TFDP2: variants seen among roughly 807,000 people sequenced by gnomAD.
The protein encoded by TFDP2 is transcription factor Dp-2 (E2F dimerization partner 2).
TFDP2 carries 17 observed loss-of-function variants against 59.3 expected under a neutral mutation model. The observed-to-expected ratio is 0.29, with a 90% CI of 0.20 to 0.43. The LOEUF is 0.43. Among genes scored for constraint, TFDP2 ranks in the 20% least tolerant of loss-of-function variants. The pLI is 1.00. For synonymous variants in TFDP2, 180 were observed against 194.7 expected, an observed-to-expected ratio of 0.92 and a Z score of 0.63; for missense variants, 391 against 528.8, an observed-to-expected ratio of 0.74 and a Z score of 2.56.
chr3:141,993,821 C>A (rs916758394), intron 5 of TFDP2, among the ~76,000 whole-genome samples: 4 of 152,210 alleles, frequency 2.6e-5, no homozygotes, highest in African/African-American at 4.8e-5. Flanking sequence ...GAGGAAAACA[C>A]TGCAGACTTG....
chr3:142,116,582 C>T (rs1037178244), intron 1 of TFDP2, among the ~76,000 whole-genome samples: 3 of 152,186 alleles, frequency 2.0e-5, no homozygotes, highest in African/African-American at 7.2e-5. Context: ...GCATACAGAA[C>T]TGTAGGAAAT....
chr3:142,089,781 A>G (rs1378335291), intron 3 of TFDP2, among the ~76,000 whole-genome samples: 1 of 152,116 alleles, frequency 6.6e-6, no homozygotes, highest in East Asian at 1.9e-4. Context: ...AAATGTGAAA[A>G]CATGCAAAGT....
intron 2 of TFDP2, among the ~76,000 whole-genome samples, chr3:142,101,212 A>G (rs1267971310): frequency 6.6e-6 from 1 of 152,234 alleles, no homozygotes; most frequent in Non-Finnish European, 1.5e-5. Context: ...AGGTATATTC[A>G]GAAATGATCA....
intron 3 of TFDP2, among the ~76,000 whole-genome samples, chr3:142,048,881 G>A (rs1004756126): frequency 6.6e-6 from 1 of 152,126 alleles, no homozygotes; most frequent in African/African-American, 2.4e-5. Context: ...GACGTAATTT[G>A]AACTGCCTCT....
At chr3:142,107,837 A>G (rs2061525816) in intron 1 of TFDP2, among the ~76,000 whole-genome samples, 1 of 152,148 alleles carries the variant, frequency 6.6e-6, no homozygotes, top group Non-Finnish European at 1.5e-5. Context: ...TATAATAAAT[A>G]TATTCTCAAG....
intron 1 of TFDP2, among the ~76,000 whole-genome samples, chr3:142,137,692 C>T (rs1029358083): frequency 6.6e-6 from 1 of 152,132 alleles, no homozygotes; most frequent in Non-Finnish European, 1.5e-5. Flanking sequence ...TATTGATTTG[C>T]ATATGTTGAA....
chr3:141,964,273 G>T (rs1937620555), intron 9 of TFDP2, among the ~76,000 whole-genome samples: 2 of 152,044 alleles, frequency 1.3e-5, no homozygotes, highest in Non-Finnish European at 2.9e-5. Flanking sequence ...TGACAGTTTG[G>T]GGTCAAATAT....
At chr3:141,992,673 A>C (rs1056432919) in intron 6 of TFDP2, among the ~76,000 whole-genome samples, 1 of 152,212 alleles carries the variant, frequency 6.6e-6, no homozygotes, top group Non-Finnish European at 1.5e-5. Flanking sequence ...ATTAGCACCA[A>C]GAAGCAAACA....
At position 142,091,407 on chromosome 3, in the gene TFDP2, A is replaced by T. The variant is rs534348910; in HGVS notation, c.82+1654T>A. 2.1e-4 allele frequency among the ~76,000 whole-genome samples: 32 copies of T among 152,156 alleles called. No individual in the cohort carries two copies. The South Asian group carries it at 6.4e-3, about 31-fold the overall frequency. On this transcript the variant is annotated intron_variant, in intron 3 of 12. Transcript: ENST00000489671. ...CCGTGGAAACCCTGTCTCTACCAAA[A>T]ATACAAAAAGTAGCCAGGCATTGTG...
chr3:142,030,494 C>G (rs1012254294), intron 3 of TFDP2, among the ~76,000 whole-genome samples: 3 of 152,154 alleles, frequency 2.0e-5, no homozygotes, highest in African/African-American at 7.2e-5. Flanking sequence ...CATTTACATT[C>G]CCACATTTGG....
At chr3:142,135,234 T>C (rs1291717862) in intron 1 of TFDP2, among the ~76,000 whole-genome samples, 2 of 152,074 alleles carry the variant, frequency 1.3e-5, no homozygotes, top group African/African-American at 2.4e-5. Flanking sequence ...GCCTCACAAG[T>C]AGCTGGGACT....
intron 7 of TFDP2, among the ~76,000 whole-genome samples, chr3:141,977,371 A>T (rs911862125): frequency 6.6e-6 from 1 of 150,508 alleles, no homozygotes; most frequent in African/African-American, 2.4e-5. Flanking sequence ...AAGGAGTTCA[A>T]AATCAGCCTG....
At chr3:141,987,370 C>A (rs756737643) in intron 6 of TFDP2, among the ~76,000 whole-genome samples, 1 of 150,528 alleles carries the variant, frequency 6.6e-6, no homozygotes, top group Non-Finnish European at 1.5e-5. Flanking sequence ...GCAGCCTCTG[C>A]CTCCAGGTTC....
At chr3:142,135,804 T>C (rs1388019354) in intron 1 of TFDP2, among the ~76,000 whole-genome samples, 1 of 152,128 alleles carries the variant, frequency 6.6e-6, no homozygotes, top group African/African-American at 2.4e-5. Context: ...CAGTCTATCA[T>C]TGATGGACAT....
chr3:142,143,530 A>G (rs112227125), intron 1 of TFDP2, among the ~76,000 whole-genome samples: 1 of 152,392 alleles, frequency 6.6e-6, no homozygotes, highest in African/African-American at 2.4e-5. Flanking sequence ...ACCAGAATAT[A>G]TAAAGAGCTC....
chr3:142,022,956 G>A (rs547698125), intron 3 of TFDP2, among the ~76,000 whole-genome samples: 1 of 151,016 alleles, frequency 6.6e-6, no homozygotes, highest in Non-Finnish European at 1.5e-5. Context: ...CCCATCTCTA[G>A]TAAAAATACA....
chr3:141,997,507 G>A (rs2108214279), intron 4 of TFDP2, among the ~76,000 whole-genome samples: 1 of 151,964 alleles, frequency 6.6e-6, no homozygotes, highest in South Asian at 2.1e-4. Flanking sequence ...TTTCTATATG[G>A]TATTAGCAGC....
intron 3 of TFDP2, among the ~76,000 whole-genome samples, chr3:142,047,563 T>C (rs1245008370): frequency 3.9e-5 from 6 of 152,088 alleles, no homozygotes; most frequent in African/African-American, 1.4e-4. Flanking sequence ...TCAGGGAAAC[T>C]TGAATCTATG....
rs1279213341 is a variant in TFDP2 at position 141,959,834 on chromosome 3, C to T, written c.891G>A (p.Glu297=). The change falls in exon 11 of 13, where the codon GAG becomes GAA. Residue 297 remains glutamate (E), a synonymous_variant. Coordinates refer to ENST00000489671, the MANE Select transcript of TFDP2 (RefSeq NM_001178139.2). ...IDCSISSDKF[E]YLFNFDNTFE... Reference sequence around the variant, plus strand: ...AGGTGTTGTCAAAATTGAAAAGATACTCAAACCTGCATCAGGAAACAAAGT... The same window carrying T: ...AGGTGTTGTCAAAATTGAAAAGATATTCAAACCTGCATCAGGAAACAAAGT... 4 of 1,613,910 alleles carry T rather than the reference C, an allele frequency of 2.5e-6. No individual in the cohort carries two copies. Among genetic ancestry groups the T allele is most frequent in the East Asian group, 2.2e-5 (1 of 44,874 alleles).
Sources: gnomAD v4.1 joint callset for allele counts (sites outside exome capture counted in the v4.1 genomes callset) on GRCh38, gnomAD v4.1.1 for gene constraint, MANE v1.5 for transcripts, NCBI Gene and HGNC (gene_info 2026-07-23, HGNC 2026-07-21) for gene names.